Variants in FRAS1 observed in about 807,000 individuals in gnomAD.
FRAS1 encodes the protein Fraser extracellular matrix complex subunit 1.
Under a neutral mutation model 435.2 loss-of-function variants are expected in FRAS1, and 290 were observed. The observed-to-expected ratio is 0.67, with a 90% CI of 0.61 to 0.73. FRAS1 has a LOEUF of 0.73. Among genes scored for constraint, FRAS1 ranks in the 30% least tolerant of loss-of-function variants. The pLI is 0.00. For synonymous variants in FRAS1, 1,800 were observed against 1,851.0 expected (o/e 0.97, Z 0.71); for missense variants, 4,860 against 5,001.5 (o/e 0.97, Z 0.85).
chr4:78,332,393 A>G (rs548336951), intron 18 of FRAS1, among the ~76,000 whole-genome samples: 1 of 152,332 alleles, frequency 6.6e-6, no homozygotes, highest in South Asian at 2.1e-4. Flanking sequence ...TCATGCAACT[A>G]TCCCCTTTAT....
chr4:78,498,652 G>A (rs533745115), intron 60 of FRAS1, among the ~76,000 whole-genome samples: 5 of 152,036 alleles, frequency 3.3e-5, no homozygotes, highest in East Asian at 1.9e-4. Flanking sequence ...GGAAAGAAAC[G>A]GAAATAAATA....
At chr4:78,464,401 G>T (rs1287362851) in intron 48 of FRAS1, 42 bp from the exon 49 acceptor site, 2 of 1,612,954 alleles carry the variant, frequency 1.2e-6, no homozygotes, top group Non-Finnish European at 1.7e-6. Context: ...TTGGGTAGGT[G>T]CTAGGGACAG....
chr4:78,296,000 G>A (rs568390642), intron 14 of FRAS1, among the ~76,000 whole-genome samples: 44 of 151,794 alleles, frequency 2.9e-4, no homozygotes, highest in Non-Finnish European at 5.0e-4. Flanking sequence ...TGATCCACCC[G>A]CGTTGGCCTC....
chr4:78,517,143 G>C (rs1721237052), intron 66 of FRAS1, among the ~76,000 whole-genome samples: 2 of 152,202 alleles, frequency 1.3e-5, no homozygotes, highest in South Asian at 2.1e-4. Flanking sequence ...AGAAATTATA[G>C]AGGGATTTAC....
chr4:78,365,586 C>T (rs1460701983), intron 22 of FRAS1, among the ~76,000 whole-genome samples: 3 of 152,100 alleles, frequency 2.0e-5, no homozygotes, highest in South Asian at 2.1e-4. Flanking sequence ...AGGGTGGCCT[C>T]TGCACAAACA....
rs1732129323 is a variant in FRAS1 at position 78,384,139 on chromosome 4, C to T, written c.3644C>T (p.Thr1215Ile). Residue 1215 changes from threonine (T) to isoleucine (I), a missense_variant, in exon 28 of 74, where the codon ACA becomes ATA. Coordinates refer to ENST00000512123, the MANE Select transcript of FRAS1 (RefSeq NM_025074.7). ...CTGATCAACATACAAGCATTTTCAA[C>T]ACAGGTAATAAAAATGGCCACGTAA... Reference protein sequence around the residue: ...PQLINIQAFSTQAPYVLRNEV... With the variant: ...PQLINIQAFSIQAPYVLRNEV... 1 of 1,587,510 alleles carries T rather than the reference C, an allele frequency of 6.3e-7. No homozygotes were observed. The highest frequency in any genetic ancestry group is 8.6e-7 in the Non-Finnish European group (1 of 1,168,752).
chr4:78,375,649 T>A, intron 25 of FRAS1, 90 bp from the exon 26 acceptor site: 1 of 1,134,100 alleles, frequency 8.8e-7, no homozygotes, highest in Non-Finnish European at 1.2e-6. Flanking sequence ...TTGTTGCATG[T>A]GCTCTGACTC....
At chr4:78,070,914 A>T (rs1390955551) in intron 2 of FRAS1, 1 of 152,198 alleles carries the variant, frequency 6.6e-6, no homozygotes, top group African/African-American at 2.4e-5. Context: ...AACATGAAGC[A>T]ACTCGTCCAG....
chr4:78,189,215 G>T (rs749300553), intron 2 of FRAS1, among the ~76,000 whole-genome samples: 1 of 152,150 alleles, frequency 6.6e-6, no homozygotes, highest in Non-Finnish European at 1.5e-5. Context: ...ATGCACAATT[G>T]TGGATAATAT....
At chr4:78,443,037 C>G (rs1369888384) in intron 41 of FRAS1, among the ~76,000 whole-genome samples, 1 of 152,166 alleles carries the variant, frequency 6.6e-6, no homozygotes, top group South Asian at 2.1e-4. Flanking sequence ...CTGTTTAGAG[C>G]TGAGTGTGAC....
At chr4:78,376,032 T>C (rs1304071211) in intron 26 of FRAS1, among the ~76,000 whole-genome samples, 153 bp downstream of exon 26, 1 of 152,208 alleles carries the variant, frequency 6.6e-6, no homozygotes. Flanking sequence ...AGGGACTCTT[T>C]ATAGAATATG....
chr4:78,088,199 T>A (rs1339423026), intron 2 of FRAS1, among the ~76,000 whole-genome samples: 1 of 152,164 alleles, frequency 6.6e-6, no homozygotes, highest in East Asian at 1.9e-4. Flanking sequence ...ATTTAGTAAA[T>A]GATGCTGGGA....
chr4:78,082,661 C>T (rs1306385869), intron 2 of FRAS1, among the ~76,000 whole-genome samples: 3 of 151,948 alleles, frequency 2.0e-5, no homozygotes, highest in African/African-American at 4.8e-5. Context: ...TAGATGTAAA[C>T]TTTGTGGAAT....
intron 2 of FRAS1, among the ~76,000 whole-genome samples, chr4:78,145,050 C>T (rs1270930987): frequency 6.6e-6 from 1 of 152,116 alleles, no homozygotes; most frequent in African/African-American, 2.4e-5. Context: ...TTAAATTTCC[C>T]TTTAGAAAGA....
chr4:78,446,720 T>C lies in FRAS1; in HGVS notation c.5857-7T>C, dbSNP rs1366363549. On this transcript the variant is annotated splice_region_variant and splice_polypyrimidine_tract_variant and intron_variant, in intron 42 of 73. Transcript: ENST00000512123. ...GTGTGAGATCTAATAGTTTATGCTT[T>C]AATCAGAGGAAGAACGATGAGCCTC... The C allele has an allele frequency of 1.2e-6, 2 of 1,611,506 alleles. No individual in the cohort carries two copies. Among genetic ancestry groups the C allele is most frequent in the South Asian group, 2.2e-5 (2 of 90,338 alleles).
rs1017138776 is a variant in FRAS1, at chr4:78,091,757, A to T, written c.108+25741A>T. Among the ~76,000 whole-genome samples the T allele has an allele frequency of 6.6e-5, 10 of 152,034 alleles. No individual in the cohort carries two copies. In the South Asian group the frequency reaches 2.1e-3, roughly 32 times the overall value. ...CCTACAGCCCGGAGCTCCTGGATGC[A>T]AGTGATCTTCCTGCCTCAGCCTCCT... On this transcript the variant is annotated intron_variant, in intron 2 of 73. Transcript: ENST00000512123.
At chr4:78,299,531 G>T (rs533331679) in intron 14 of FRAS1, among the ~76,000 whole-genome samples, 1 of 151,680 alleles carries the variant, frequency 6.6e-6, no homozygotes, top group Non-Finnish European at 1.5e-5. Flanking sequence ...GCATGTCTGC[G>T]CTGCTATTCA....
intron 2 of FRAS1, among the ~76,000 whole-genome samples, chr4:78,105,322 G>A (rs1477923621): frequency 6.6e-6 from 1 of 152,210 alleles, no homozygotes; most frequent in Non-Finnish European, 1.5e-5. Flanking sequence ...GAGATTAAGA[G>A]GGATGGAGTG....
intron 20 of FRAS1, among the ~76,000 whole-genome samples, chr4:78,363,031 T>G (rs1379855396): frequency 4.6e-5 from 7 of 152,094 alleles, no homozygotes; most frequent in African/African-American, 1.4e-4. Context: ...TCAGGCTGTT[T>G]TTTGTTGTTG....
Sources: allele counts gnomAD v4.1 joint callset (sites outside exome capture counted in the v4.1 genomes callset), GRCh38; gene constraint gnomAD v4.1.1; transcripts MANE v1.5; gene names NCBI Gene and HGNC (gene_info 2026-07-23, HGNC 2026-07-21).